The following ZNF420 variants were observed in gnomAD, a reference collection of about 807,000 sequenced individuals.
ZNF420 encodes zinc finger protein 420, also known as ATM and p53-associated KZNF protein.
ZNF420 carries 31 observed loss-of-function variants against 44.7 expected under a neutral mutation model. The observed-to-expected ratio is 0.69, with a 90% confidence interval of 0.52 to 0.94. ZNF420 has a LOEUF of 0.94. ZNF420 is among the 40% of genes least tolerant of loss of function. The pLI is 0.00. For missense variants in ZNF420, 681 were observed against 827.9 expected, an observed-to-expected ratio of 0.82 and a Z score of 2.18; for synonymous variants, 245 against 267.4, an observed-to-expected ratio of 0.92 and a Z score of 0.82.
chr19:37,116,862 G>A (rs1389101950), intron 4 of ZNF420, among the ~76,000 whole-genome samples: 1 of 152,170 alleles, frequency 6.6e-6, no homozygotes, highest in Non-Finnish European at 1.5e-5. Flanking sequence ...ATTGATCTCA[G>A]ACTGCTGTGC....
At chr19:37,023,117 G>T (rs1337934663) in intron 1 of ZNF420, among the ~76,000 whole-genome samples, 3 of 151,122 alleles carry the variant, frequency 2.0e-5, no homozygotes, top group Non-Finnish European at 4.4e-5. Context: ...CAGCCTGGGT[G>T]ACAGAGCGAG....
rs1025861902 is a variant in ZNF420, at chr19:37,129,538, A to G, written c.*480A>G. 1 of 162,906 alleles carries G rather than the reference A, an allele frequency of 6.1e-6. No homozygotes were observed. Among genetic ancestry groups the G allele is most frequent in the Non-Finnish European group, 1.3e-5 (1 of 74,404 alleles). 10.1% of individuals were successfully genotyped at this position (162,906 alleles called of 1,614,324 possible). On this transcript the variant is annotated 3_prime_UTR_variant, in exon 5 of 5. Coordinates refer to ENST00000337995, the MANE Select transcript of ZNF420 (RefSeq NM_144689.5). ...CTACCATTTTCACTAGTGTTATTTT[A>G]GAGAATTTGCATGAGAGGAGAGTAC...
intron 1 of ZNF420, chr19:37,024,969 T>C (rs957220569): frequency 2.5e-5 from 5 of 201,244 alleles, no homozygotes; most frequent in Non-Finnish European, 5.6e-5. Flanking sequence ...CTCACATTCA[T>C]AGGGCTTCTC....
intron 1 of ZNF420, among the ~76,000 whole-genome samples, chr19:37,062,292 G>C (rs966469543): frequency 6.6e-6 from 1 of 152,146 alleles, no homozygotes; most frequent in Non-Finnish European, 1.5e-5. Context: ...GGAAAGATGG[G>C]ATGAAAAACA....
chr19:37,011,907 G>A (rs1475737459), intron 1 of ZNF420, among the ~76,000 whole-genome samples: 2 of 152,166 alleles, frequency 1.3e-5, no homozygotes, highest in Admixed American at 6.5e-5. Context: ...CTTTGGAAGC[G>A]GAACAGGCCA....
intron 4 of ZNF420, among the ~76,000 whole-genome samples, chr19:37,122,215 A>T (rs931099290): frequency 3.3e-5 from 5 of 152,296 alleles, no homozygotes; most frequent in African/African-American, 1.2e-4. Flanking sequence ...AACCAACCCA[A>T]ATGTCCAACA....
At chr19:37,025,410 C>T (rs1207608537) in intron 1 of ZNF420, among the ~76,000 whole-genome samples, 2 of 151,804 alleles carry the variant, frequency 1.3e-5, no homozygotes, top group African/African-American at 4.8e-5. Context: ...CAAAGGTGAG[C>T]CTTGAAATTT....
At chr19:37,037,149 C>CAG (rs34136370) in intron 1 of ZNF420, among the ~76,000 whole-genome samples, 79,224 of 151,770 alleles carry the variant, frequency 0.52, 21,382 homozygotes, top group African/African-American at 0.63. Flanking sequence ...TTTGGACAAG[C>CAG]AGTTTGCGCT....
chr19:37,043,384 G>GAGT (rs1216163311), intron 1 of ZNF420, among the ~76,000 whole-genome samples: 2 of 152,156 alleles, frequency 1.3e-5, no homozygotes, highest in Admixed American at 6.5e-5. Context: ...TATCTCACTG[G>GAGT]AGTCCTTCAA....
At chr19:37,104,864 A>G (rs570530105) in intron 4 of ZNF420, among the ~76,000 whole-genome samples, 235 of 152,128 alleles carry the variant, frequency 1.5e-3, no homozygotes, top group African/African-American at 5.4e-3. Flanking sequence ...TTTTCTTCTT[A>G]TAAATTTGAG....
At chr19:37,097,452 A>G (rs1317151447) in intron 4 of ZNF420, among the ~76,000 whole-genome samples, 1 of 152,130 alleles carries the variant, frequency 6.6e-6, no homozygotes, top group Non-Finnish European at 1.5e-5. Flanking sequence ...AAAAAAGGCA[A>G]CTAAATTCAG....
At chr19:37,052,517 A>G (rs1240628917) in intron 1 of ZNF420, among the ~76,000 whole-genome samples, 1 of 152,010 alleles carries the variant, frequency 6.6e-6, no homozygotes, top group African/African-American at 2.4e-5. Flanking sequence ...TCCTTTCCAT[A>G]TTTAGTGCTT....
At position 37,085,807 on chromosome 19, in the gene ZNF420, G is replaced by T. The variant is rs184087940; in HGVS notation, c.-80-3232G>T. Among the ~76,000 whole-genome samples, 44 of 150,952 alleles carry T rather than the reference G, an allele frequency of 2.9e-4. No homozygotes were observed. In the East Asian group the frequency reaches 7.2e-3, roughly 25 times the overall value. On this transcript the variant is annotated intron_variant, in intron 2 of 4. Transcript: ENST00000337995. The stretch of plus-strand genomic sequence containing the variant: ...AGACAGGATATTGCTCTGTCGCCCA[G>T]ACTGGAGTGTAGTGGCATGATCATA...
intron 1 of ZNF420, among the ~76,000 whole-genome samples, chr19:37,012,149 G>A (rs1288619314): frequency 1.3e-5 from 2 of 152,148 alleles, no homozygotes; most frequent in Non-Finnish European, 2.9e-5. Flanking sequence ...GTCGGCACAA[G>A]GAGGTCTTGA....
chr19:37,111,667 C>T (rs987128161), intron 4 of ZNF420: 1 of 152,150 alleles, frequency 6.6e-6, no homozygotes, highest in African/African-American at 2.4e-5. Flanking sequence ...AGAGCTTGAC[C>T]TACGAAAGTC....
intron 1 of ZNF420, among the ~76,000 whole-genome samples, chr19:37,029,521 TTTTTTCTTTTTC>T (rs904115648): frequency 6.6e-6 from 1 of 152,042 alleles, no homozygotes; most frequent in Non-Finnish European, 1.5e-5. Flanking sequence ...TCCTTTAATT[TTTTTTCTTTTTC>T]TTTTTCTTTT....
intron 1 of ZNF420, among the ~76,000 whole-genome samples, chr19:37,012,355 C>T (rs1398591717): frequency 1.3e-5 from 2 of 152,242 alleles, no homozygotes; most frequent in Non-Finnish European, 1.5e-5. Flanking sequence ...CGAACAGATT[C>T]TCGTCACAGT....
intron 4 of ZNF420, among the ~76,000 whole-genome samples, chr19:37,103,078 T>C (rs1297245250): frequency 1.3e-5 from 2 of 152,160 alleles, no homozygotes; most frequent in Non-Finnish European, 2.9e-5. Flanking sequence ...CTCTTAACTA[T>C]AGTATTTCTT....
intron 1 of ZNF420, among the ~76,000 whole-genome samples, chr19:37,026,171 C>T (rs990134662): frequency 4.4e-5 from 6 of 137,408 alleles, no homozygotes; most frequent in Admixed American, 3.9e-4. Context: ...AATTAGCTGG[C>T]GGGGGTGGGG....
Sources: allele counts gnomAD v4.1 joint callset (sites outside exome capture counted in the v4.1 genomes callset), GRCh38; gene constraint gnomAD v4.1.1; transcripts MANE v1.5; gene names NCBI Gene and HGNC (gene_info 2026-07-23, HGNC 2026-07-21).